The following FBXO5 variants were observed in gnomAD, a reference collection of about 807,000 sequenced individuals.
The protein encoded by FBXO5 is F-box protein 5, also known as F-box only protein 5.
FBXO5 carries 8 observed loss-of-function variants against 43.3 expected under a neutral mutation model. The observed-to-expected ratio is 0.18, with a 90% confidence interval of 0.11 to 0.33. The LOEUF is 0.33. Ranked by LOEUF, FBXO5 falls within the 10% of genes least tolerant of loss-of-function variation. The pLI, the probability that FBXO5 is intolerant of heterozygous loss-of-function variation, is 1.00. For missense variants in FBXO5, 491 were observed against 535.7 expected (o/e 0.92, Z 0.82); for synonymous variants, 204 against 193.7 (o/e 1.05, Z -0.44).
chr6:152,977,416 A>ACC (rs1309806966), intron 1 of FBXO5, among the ~76,000 whole-genome samples: 2 of 152,244 alleles, frequency 1.3e-5, no homozygotes, highest in Non-Finnish European at 2.9e-5. Context: ...AGAAATGGAT[A>ACC]CCTTCATAGA....
chr6:152,975,892 G>A (rs1025367155), intron 1 of FBXO5, among the ~76,000 whole-genome samples: 2 of 152,180 alleles, frequency 1.3e-5, no homozygotes, highest in Non-Finnish European at 2.9e-5. Context: ...CTGCCTGGCT[G>A]TAACACCTGA....
upstream of FBXO5, chr6:152,983,207 G>T (rs1424929464): frequency 5.3e-6 from 2 of 380,024 alleles, no homozygotes; most frequent in Non-Finnish European, 4.7e-6. Context: ...GGGCCGAGCC[G>T]CGAAGCCCAG....
intron 3 of FBXO5, 26 bp from the exon 4 acceptor site, chr6:152,972,480 A>G (rs759529442): frequency 1.4e-6 from 2 of 1,480,688 alleles, no homozygotes; most frequent in Non-Finnish European, 1.8e-6. Context: ...GTTTTAATAG[A>G]ATTTAGAAAT....
intron 1 of FBXO5, among the ~76,000 whole-genome samples, chr6:152,981,547 T>C (rs1778258733): frequency 6.6e-6 from 1 of 152,052 alleles, no homozygotes; most frequent in African/African-American, 2.4e-5. Context: ...AAGTAACATA[T>C]ATGTATTTTT....
At chr6:152,976,014 A>G (rs1186698649) in intron 1 of FBXO5, among the ~76,000 whole-genome samples, 1 of 152,178 alleles carries the variant, frequency 6.6e-6, no homozygotes, top group African/African-American at 2.4e-5. Flanking sequence ...AGTAGGCGCT[A>G]TGGTCAAAGT....
chr6:152,972,248 AT>A (rs763279103), intron 4 of FBXO5, 23 bp downstream of exon 4: 1 of 1,562,748 alleles, frequency 6.4e-7, no homozygotes, highest in Non-Finnish European at 8.7e-7. Flanking sequence ...ATGTTTTAAG[AT>A]TTATGATTAG....
Position 152,973,047 on chromosome 6 carries a change from G to T in FBXO5, c.908C>A (p.Thr303Asn), listed in dbSNP as rs976579297. The change falls in exon 3 of 5, where the codon ACC (threonine) becomes AAC (asparagine). Residue 303 changes from threonine (T) to asparagine (N), a missense_variant and splice_region_variant. Transcript: ENST00000229758. ...QLYSKAIQRVTENNNKFSPHA... is the reference protein window; with the variant it reads ...QLYSKAIQRVNENNNKFSPHA... ...AAAACATCATCTGCAAACACTTACG[G>T]TAACTCTTTGTATTGCTTTACTGTA... The T allele has an allele frequency of 1.2e-6, 2 of 1,612,368 alleles. No homozygotes were observed. The highest frequency in any genetic ancestry group is 1.1e-5 in the South Asian group (1 of 91,034).
chr6:152,979,552 C>G (rs1287812750), intron 1 of FBXO5, among the ~76,000 whole-genome samples: 1 of 152,182 alleles, frequency 6.6e-6, no homozygotes, highest in Admixed American at 6.5e-5. Context: ...AAGGAAGTCA[C>G]TATGTACACC....
chr6:152,973,279 C>T (rs890887060), intron 2 of FBXO5, 143 bp from the exon 3 acceptor site: 2 of 637,004 alleles, frequency 3.1e-6, no homozygotes, highest in Non-Finnish European at 5.4e-6. Context: ...AATTGCCTGG[C>T]GGTTTTAACT....
intron 3 of FBXO5, chr6:152,972,828 CTTTGTTACTT>C: frequency 2.3e-6 from 1 of 440,922 alleles, no homozygotes; most frequent in Admixed American, 5.1e-5. Flanking sequence ...GTAATTTTCC[CTTTGTTACTT>C]TAGACATTCT....
At chr6:152,971,468 T>C in intron 4 of FBXO5, 54 bp from the exon 5 acceptor site, 1 of 1,540,342 alleles carries the variant, frequency 6.5e-7, no homozygotes, top group South Asian at 1.3e-5. Context: ...TACATGTACT[T>C]TAGTTAATAA....
intron 1 of FBXO5, among the ~76,000 whole-genome samples, chr6:152,982,365 GC>G (rs887059040): frequency 2.0e-5 from 3 of 152,134 alleles, no homozygotes; most frequent in Non-Finnish European, 4.4e-5. Context: ...CGGGGAAACT[GC>G]CTTTGGCTGT....
Position 152,982,860 on chromosome 6 carries a change from C to T in FBXO5, c.100G>A (p.Asp34Asn), listed in dbSNP as rs767454729. The T allele has an allele frequency of 4.6e-6, 7 of 1,508,430 alleles. No homozygotes were observed. Among genetic ancestry groups the T allele is most frequent in the Non-Finnish European group, 6.2e-6 (7 of 1,135,146 alleles). 93.4% of individuals were successfully genotyped at this position (1,508,430 alleles called of 1,614,324 possible). ...VTAAGRPRPS[D>N]SCKEESSTLS... is the part of the protein sequence containing the mutation. The stretch of plus-strand genomic sequence containing the variant: ...CGCGACCGCTCCCCTCACTCACTAT[C>T]CGAGGGTCGAGGGCGCCCGGCGGCT... The change falls in exon 1 of 5, where the codon GAT (aspartate) becomes AAT (asparagine). Residue 34 changes from aspartate to asparagine, a missense_variant. Coordinates refer to ENST00000229758, the MANE Select transcript of FBXO5 (RefSeq NM_012177.5).
chr6:152,972,781 A>C (rs1015912817), intron 3 of FBXO5: 3 of 497,260 alleles, frequency 6.0e-6, no homozygotes, highest in African/African-American at 5.7e-5. Context: ...ACTGGCAACT[A>C]AGATTGACTA....
intron 1 of FBXO5, among the ~76,000 whole-genome samples, chr6:152,978,948 AC>A: frequency 6.6e-6 from 1 of 152,166 alleles, no homozygotes; most frequent in South Asian, 2.1e-4. Context: ...TTGTGATCAT[AC>A]CACTGCATTC....
In FBXO5 at chr6:152,975,308, A is replaced by T; in HGVS notation, c.417T>A (p.Ser139Arg). Residue 139 changes from serine to arginine, a missense_variant, in exon 2 of 5, where the codon AGT becomes AGA. By Grantham distance (110) the Ser-to-Arg change is moderately radical. Transcript: ENST00000229758. ...STNEIEALETSRLYEDSGYSS... is the reference protein window; with the variant it reads ...STNEIEALETRRLYEDSGYSS... ...AATAGCCACTGTCTTCATAAAGTCT[A>T]CTGGTCTCTAGTGCTTCTATTTCAT... 3 of 1,614,176 alleles carry T rather than the reference A, an allele frequency of 1.9e-6. No homozygotes were observed. Among genetic ancestry groups the T allele is most frequent in the Non-Finnish European group, 2.5e-6 (3 of 1,180,020 alleles).
intron 1 of FBXO5, among the ~76,000 whole-genome samples, chr6:152,976,590 T>C (rs1778172238): frequency 6.6e-6 from 1 of 152,230 alleles, no homozygotes; most frequent in African/African-American, 2.4e-5. Flanking sequence ...AATGACACTC[T>C]AATCAATTAA....
chr6:152,981,045 ATATATTTCAGAG>A (rs2129094552), intron 1 of FBXO5, among the ~76,000 whole-genome samples: 1 of 152,362 alleles, frequency 6.6e-6, no homozygotes, highest in South Asian at 2.1e-4. Flanking sequence ...ACAAAGAAGT[ATATATTTCAGAG>A]TAACACATAC....
intron 1 of FBXO5, among the ~76,000 whole-genome samples, chr6:152,977,310 C>T (rs1009899): frequency 0.15 from 19,524 of 132,412 alleles, 1,461 homozygotes; most frequent in African/African-American, 0.23. Flanking sequence ...TAAATGTATA[C>T]AGCATCAGTA....
Sources: allele counts gnomAD v4.1 joint callset (sites outside exome capture counted in the v4.1 genomes callset), GRCh38; gene constraint gnomAD v4.1.1; transcripts MANE v1.5; gene names NCBI Gene and HGNC (gene_info 2026-07-23, HGNC 2026-07-21).